AGBL4: variants seen among roughly 807,000 people sequenced by gnomAD.
AGBL4 encodes AGBL carboxypeptidase 4.
Under a neutral mutation model 66.4 loss-of-function variants are expected in AGBL4, and 58 were observed. The ratio of observed to expected loss-of-function variants is 0.87; its 90% CI spans 0.71 to 1.09. The LOEUF (loss-of-function observed/expected upper bound fraction) is 1.09, where lower values mean the gene tolerates loss of function less well. Ranked by LOEUF, AGBL4 falls within the 50% of genes least tolerant of loss-of-function variation. AGBL4 has a pLI of 0.00. For missense variants in AGBL4, 579 were observed against 631.0 expected (o/e 0.92, Z 0.88); for synonymous variants, 234 against 222.9 (o/e 1.05, Z -0.44).
chr1:49,461,663 C>A (rs1430734524), intron 3 of AGBL4, among the ~76,000 whole-genome samples: 2 of 147,046 alleles, frequency 1.4e-5, no homozygotes, highest in Non-Finnish European at 3.0e-5. Flanking sequence ...TGTTCCCCTC[C>A]CTGTGTCCAT....
intron 6 of AGBL4, among the ~76,000 whole-genome samples, chr1:48,781,928 T>G (rs568675915): frequency 5.2e-4 from 79 of 152,346 alleles, no homozygotes; most frequent in Non-Finnish European, 9.3e-4. Context: ...CTCTAAAGCT[T>G]ATAAATCATG....
chr1:49,942,386 C>A (rs1216885021), intron 1 of AGBL4, among the ~76,000 whole-genome samples: 1 of 151,856 alleles, frequency 6.6e-6, no homozygotes, highest in East Asian at 1.9e-4. Flanking sequence ...CCAAAGCAAA[C>A]TTGAGCGAAA....
chr1:48,728,325 C>T (rs1029004467), intron 6 of AGBL4, among the ~76,000 whole-genome samples: 1 of 151,972 alleles, frequency 6.6e-6, no homozygotes, highest in Non-Finnish European at 1.5e-5. Flanking sequence ...AGGCCCCTCC[C>T]TAATTCTTTC....
intron 4 of AGBL4, among the ~76,000 whole-genome samples, chr1:49,150,607 A>T (rs1313978282): frequency 6.6e-6 from 1 of 152,176 alleles, no homozygotes; most frequent in African/African-American, 2.4e-5. Flanking sequence ...AATTTCTTTC[A>T]ACATGCCTCT....
At chr1:48,583,177 A>G (rs1557804635) in intron 11 of AGBL4, among the ~76,000 whole-genome samples, 2 of 152,192 alleles carry the variant, frequency 1.3e-5, no homozygotes. Flanking sequence ...TGACCCCACC[A>G]ATGCTCTTTG....
At chr1:48,555,595 A>T (rs531760199) in intron 11 of AGBL4, among the ~76,000 whole-genome samples, 1 of 152,298 alleles carries the variant, frequency 6.6e-6, no homozygotes, top group East Asian at 1.9e-4. Context: ...ATGAGTATGA[A>T]CTTTCTCCTG....
rs146466847 is a variant in AGBL4, at chr1:48,551,977, A to G, written c.1268-12239T>C. On this transcript the variant is annotated intron_variant, in intron 11 of 13. Transcript: ENST00000371839. ...TTTTTAATGTGCCTGATTCTGGATG[A>G]GATAACCTTGGTGGGTATTTGGACT... 6.2e-3 allele frequency among the ~76,000 whole-genome samples: 950 copies of G among 152,300 alleles called. 11 individuals are homozygous for G. The highest frequency in any genetic ancestry group is 0.022 in the African/African-American group (906 of 41,562).
chr1:49,244,454 T>C (rs1651474534), intron 4 of AGBL4, among the ~76,000 whole-genome samples: 1 of 151,770 alleles, frequency 6.6e-6, no homozygotes, highest in African/African-American at 2.4e-5. Flanking sequence ...AAGGAGATAT[T>C]TTCACCTTTC....
At chr1:49,524,490 A>T (rs183950513) in intron 3 of AGBL4, among the ~76,000 whole-genome samples, 1 of 152,142 alleles carries the variant, frequency 6.6e-6, no homozygotes, top group Non-Finnish European at 1.5e-5. Flanking sequence ...AGTCCTGGGC[A>T]TCTAAAAGCC....
intron 3 of AGBL4, among the ~76,000 whole-genome samples, chr1:49,524,331 GT>G (rs1650494283): frequency 6.6e-6 from 1 of 152,056 alleles, no homozygotes; most frequent in Non-Finnish European, 1.5e-5. Flanking sequence ...TATAGACAGG[GT>G]AAGTAACTTG....
chr1:49,769,145 C>A (rs1266420575), intron 2 of AGBL4, among the ~76,000 whole-genome samples: 2 of 151,662 alleles, frequency 1.3e-5, no homozygotes, highest in African/African-American at 2.4e-5. Flanking sequence ...CCACACCCAG[C>A]CAAAAATCAG....
intron 2 of AGBL4, among the ~76,000 whole-genome samples, chr1:49,711,083 A>G (rs1647627725): frequency 6.6e-6 from 1 of 152,070 alleles, no homozygotes; most frequent in African/African-American, 2.4e-5. Context: ...AAACAATAGA[A>G]AATTTGGCCC....
At chr1:48,792,486 T>C (rs1190064230) in intron 6 of AGBL4, among the ~76,000 whole-genome samples, 1 of 152,254 alleles carries the variant, frequency 6.6e-6, no homozygotes, top group Non-Finnish European at 1.5e-5. Context: ...ATGAGTTCCC[T>C]GAGCTGTGCC....
In AGBL4 at chr1:49,429,318, C is replaced by T. The variant is rs1018451897; in HGVS notation, c.283-183454G>A. Among the ~76,000 whole-genome samples, 9 of 152,150 alleles carry T rather than the reference C, an allele frequency of 5.9e-5. No individual in the cohort carries two copies. The South Asian group carries it at 8.3e-4, about 14-fold the overall frequency. ...CTGTCTGGCAATGATCCTGAGAACA[C>T]GCTTAGTGAATTTCTGGCCTATGTT... On this transcript the variant is annotated intron_variant, in intron 3 of 13. Coordinates refer to ENST00000371839, the MANE Select transcript of AGBL4 (RefSeq NM_032785.4).
chr1:49,149,742 A>C (rs1646290791), intron 4 of AGBL4, among the ~76,000 whole-genome samples: 1 of 152,214 alleles, frequency 6.6e-6, no homozygotes, highest in Non-Finnish European at 1.5e-5. Flanking sequence ...GTGTTAAGTA[A>C]ATAGTATTAG....
At chr1:49,795,880 T>C (rs2147937742) in intron 2 of AGBL4, among the ~76,000 whole-genome samples, 1 of 152,040 alleles carries the variant, frequency 6.6e-6, no homozygotes, top group Non-Finnish European at 1.5e-5. Flanking sequence ...ATTTTTCTGA[T>C]TTGGAAGGAT....
At chr1:50,015,908 AT>A (rs1661944716) in intron 1 of AGBL4, among the ~76,000 whole-genome samples, 1 of 152,202 alleles carries the variant, frequency 6.6e-6, no homozygotes, top group Admixed American at 6.5e-5. Flanking sequence ...ATGACTCCCT[AT>A]TCAATAAACA....
At chr1:49,927,047 G>C (rs1350639912) in intron 1 of AGBL4, among the ~76,000 whole-genome samples, 4 of 152,120 alleles carry the variant, frequency 2.6e-5, no homozygotes. Flanking sequence ...AGGCTTGAAG[G>C]CTAAGCCAGT....
chr1:48,667,778 T>G (rs1330105195), intron 6 of AGBL4, among the ~76,000 whole-genome samples: 1 of 152,172 alleles, frequency 6.6e-6, no homozygotes, highest in Non-Finnish European at 1.5e-5. Context: ...CTCAATCTAT[T>G]TGGCCAGTTA....
Sources: allele counts gnomAD v4.1 joint callset (sites outside exome capture counted in the v4.1 genomes callset), GRCh38; gene constraint gnomAD v4.1.1; transcripts MANE v1.5; gene names NCBI Gene and HGNC (gene_info 2026-07-23, HGNC 2026-07-21).